Variants in PPP1R13B observed in about 807,000 individuals in gnomAD.
PPP1R13B encodes apoptosis-stimulating of p53 protein 1.
In PPP1R13B, 44 loss-of-function variants were observed where a neutral mutation model predicts 119.8. That is an observed-to-expected ratio of 0.37 (90% CI 0.29 to 0.47). PPP1R13B has a LOEUF of 0.47. Ranked by LOEUF, PPP1R13B falls within the 20% of genes least tolerant of loss-of-function variation. The pLI is 0.99. For missense variants in PPP1R13B, 1,227 were observed against 1,413.5 expected, an observed-to-expected ratio of 0.87 and a Z score of 2.12; for synonymous variants, 542 against 561.5, an observed-to-expected ratio of 0.97 and a Z score of 0.49.
intron 1 of PPP1R13B, among the ~76,000 whole-genome samples, chr14:103,815,489 G>T (rs1189280419): frequency 6.6e-6 from 1 of 152,204 alleles, no homozygotes; most frequent in African/African-American, 2.4e-5. Flanking sequence ...AGGCATGGTG[G>T]CTCACGCCTG....
chr14:103,842,778 C>G (rs1011827308), intron 1 of PPP1R13B, among the ~76,000 whole-genome samples: 1 of 151,884 alleles, frequency 6.6e-6, no homozygotes, highest in African/African-American at 2.4e-5. Flanking sequence ...GAGTTCAAGA[C>G]CAGCCTGGCC....
At chr14:103,846,854 C>T in intron 1 of PPP1R13B, 1 of 520,606 alleles carries the variant, frequency 1.9e-6, no homozygotes, top group Non-Finnish European at 3.5e-6. Flanking sequence ...CTCAGTACAA[C>T]CGCGAAGGCT....
chr14:103,754,156 C>T lies in PPP1R13B; in HGVS notation c.545G>A (p.Arg182Gln), dbSNP rs189373328. The stretch of plus-strand genomic sequence containing the variant: ...CAGCTTGTTCTCCTGGGCTTCAACT[C>T]GTTCTTTCAATTTCTGAAGCTTTTC... ...ENEKLQKLKERVEAQENKLKK... is the reference protein window; with the variant it reads ...ENEKLQKLKEQVEAQENKLKK... Residue 182 changes from arginine to glutamine, a missense_variant, in exon 6 of 17, where the codon CGA (arginine) becomes CAA (glutamine). Physicochemically the swap from Arg to Gln is conservative, Grantham distance 43. Transcript: ENST00000202556. 4.8e-4 allele frequency: 776 copies of T among 1,614,030 alleles called. 2 individuals are homozygous for T. Among genetic ancestry groups the T allele is most frequent in the Non-Finnish European group, 1.6e-4 (190 of 1,180,006 alleles).
At chr14:103,809,816 CTT>C (rs1250210072) in intron 1 of PPP1R13B, among the ~76,000 whole-genome samples, 4 of 137,470 alleles carry the variant, frequency 2.9e-5, no homozygotes, top group Non-Finnish European at 4.7e-5. Flanking sequence ...AAGTGAAACT[CTT>C]GTCTCAAAAT....
At chr14:103,789,030 C>G (rs941805128) in intron 2 of PPP1R13B, among the ~76,000 whole-genome samples, 4 of 152,144 alleles carry the variant, frequency 2.6e-5, no homozygotes, top group African/African-American at 9.7e-5. Flanking sequence ...TCTTCCCCAA[C>G]ACCTCTTTAT....
chr14:103,835,536 C>T (rs2086755752), intron 1 of PPP1R13B, among the ~76,000 whole-genome samples: 1 of 151,754 alleles, frequency 6.6e-6, no homozygotes, highest in African/African-American at 2.4e-5. Flanking sequence ...TTCAAGCGAT[C>T]CTAGTGCCTT....
chr14:103,834,684 G>A (rs533490713), intron 1 of PPP1R13B, among the ~76,000 whole-genome samples: 94 of 142,484 alleles, frequency 6.6e-4, no homozygotes, highest in Non-Finnish European at 1.2e-3. Context: ...TCCGCCCTCC[G>A]GGTGCAAGTG....
chr14:103,836,127 T>C (rs2086771870), intron 1 of PPP1R13B, among the ~76,000 whole-genome samples: 1 of 149,978 alleles, frequency 6.7e-6, no homozygotes, highest in South Asian at 2.1e-4. Context: ...CTCACTGCAA[T>C]TTCCGCCTCC....
At chr14:103,771,229 A>G (rs2085061783) in intron 4 of PPP1R13B, among the ~76,000 whole-genome samples, 1 of 152,128 alleles carries the variant, frequency 6.6e-6, no homozygotes, top group South Asian at 2.1e-4. Flanking sequence ...CTAGTTACTG[A>G]CAAAGGCCTT....
At chr14:103,847,576 G>GCGGC (rs1282070590), upstream of PPP1R13B, 2 of 984,478 alleles carry the variant, frequency 2.0e-6, no homozygotes, top group Non-Finnish European at 2.4e-6. Context: ...CCGACAGCCT[G>GCGGC]CGGCCCGCCC....
At chr14:103,797,337 C>G in intron 2 of PPP1R13B, 34 bp downstream of exon 2, 1 of 1,537,104 alleles carries the variant, frequency 6.5e-7, no homozygotes, top group Non-Finnish European at 8.8e-7. Flanking sequence ...TTGATTTTAT[C>G]AATGTAACAA....
At chr14:103,783,683 C>T (rs1178190023) in intron 3 of PPP1R13B, among the ~76,000 whole-genome samples, 1 of 152,132 alleles carries the variant, frequency 6.6e-6, no homozygotes, top group Non-Finnish European at 1.5e-5. Context: ...TCCCAAGTAG[C>T]TGAGACTACA....
chr14:103,826,734 T>C (rs1010633338), intron 1 of PPP1R13B, among the ~76,000 whole-genome samples: 21 of 141,302 alleles, frequency 1.5e-4, no homozygotes, highest in South Asian at 4.4e-4. Flanking sequence ...AAAAGCCAGG[T>C]GCAGTGGCTC....
chr14:103,845,734 G>T (rs1483770769), intron 1 of PPP1R13B, among the ~76,000 whole-genome samples: 1 of 152,120 alleles, frequency 6.6e-6, no homozygotes, highest in Non-Finnish European at 1.5e-5. Context: ...CAGTATGAAT[G>T]CATCAATCAA....
Position 103,736,085 on chromosome 14 carries a change from C to G in PPP1R13B, c.3149G>C (p.Arg1050Thr). 1 of 1,614,252 alleles carries G rather than the reference C, an allele frequency of 6.2e-7. No homozygotes were observed. Among genetic ancestry groups the G allele is most frequent in the East Asian group, 2.2e-5 (1 of 44,888 alleles). Residue 1050 changes from arginine to threonine, a missense_variant, in exon 16 of 17, where the codon AGG (arginine) becomes ACG (threonine). By Grantham distance (71) the Arg-to-Thr change is moderately conservative. Coordinates refer to ENST00000202556, the MANE Select transcript of PPP1R13B (RefSeq NM_015316.3). ...CTCAGTCTCGCTTTCGTCCTTGCGC[C>G]TCAGGATGGTGAGGGCGTCCCCTTC... ...FHEGDALTIL[R>T]RKDESETEWW...
chr14:103,734,530 G>A lies in PPP1R13B; in HGVS notation c.*624C>T. ...CCCGTGGCGCGGCAGTCCAGCCACAGTGCTGGGCCTGCACAATCAGCCTTT... is the reference window on the plus strand; with the variant it reads ...CCCGTGGCGCGGCAGTCCAGCCACAATGCTGGGCCTGCACAATCAGCCTTT... On this transcript the variant is annotated 3_prime_UTR_variant, in exon 17 of 17. Coordinates refer to ENST00000202556, the MANE Select transcript of PPP1R13B (RefSeq NM_015316.3). 4.4e-6 allele frequency: 2 copies of A among 456,356 alleles called. No individual in the cohort carries two copies. The highest frequency in any genetic ancestry group is 8.8e-6 in the Non-Finnish European group (2 of 226,804). The allele number at this position is 456,356 out of a possible 1,614,324, so 28.3% of individuals were successfully genotyped here.
chr14:103,738,516 A>T lies in PPP1R13B; in HGVS notation c.2864+163T>A. ...CATCAAGAGAAAAGGCTGGAAAAAA[A>T]GGCAAGGAAACCCTGGCAACAGCTG... On this transcript the variant is annotated intron_variant, in intron 14 of 16. Coordinates refer to ENST00000202556, the MANE Select transcript of PPP1R13B (RefSeq NM_015316.3). This position sits in a 1 kb window ranked among gnomAD's most constrained non-coding sequence, Gnocchi z 5.6. 7.2e-6 allele frequency: 8 copies of T among 1,105,212 alleles called. No individual in the cohort carries two copies. Among genetic ancestry groups the T allele is most frequent in the Non-Finnish European group, 1.0e-5 (8 of 785,028 alleles). The allele number at this position is 1,105,212 out of a possible 1,614,324, so 68.5% of individuals were successfully genotyped here. A position where few individuals can be genotyped will look rare whatever the true frequency, so the allele number is the denominator to read the frequency against.
At chr14:103,818,460 A>G in intron 1 of PPP1R13B, 1 of 968,376 alleles carries the variant, frequency 1.0e-6, no homozygotes, top group Non-Finnish European at 1.2e-6. Flanking sequence ...TGAATTTCTC[A>G]ATGTTAATAT....
chr14:103,794,307 G>T (rs889737368), intron 2 of PPP1R13B, among the ~76,000 whole-genome samples: 4 of 147,176 alleles, frequency 2.7e-5, no homozygotes, highest in African/African-American at 1.0e-4. Flanking sequence ...CAGCAGTTAT[G>T]GGGGCAGTAA....
Sources: gnomAD v4.1 joint callset for allele counts (sites outside exome capture counted in the v4.1 genomes callset) on GRCh38, gnomAD v4.1.1 for gene constraint, Gnocchi (gnomAD v3.1) non-coding constraint, MANE v1.5 for transcripts, NCBI Gene and HGNC (gene_info 2026-07-23, HGNC 2026-07-21) for gene names.